ZFPM2: variants seen among roughly 807,000 people sequenced by gnomAD.
ZFPM2 encodes zinc finger protein ZFPM2.
In ZFPM2, 20 loss-of-function variants were observed where a neutral mutation model predicts 98.6. The observed-to-expected ratio is 0.20, with a 90% CI of 0.14 to 0.29. ZFPM2 has a LOEUF of 0.29. Among genes scored for constraint, ZFPM2 ranks in the 10% least tolerant of loss-of-function variants. The pLI, the probability that ZFPM2 is intolerant of heterozygous loss-of-function variation, is 1.00. For synonymous variants in ZFPM2, 518 were observed against 502.7 expected (o/e 1.03, Z -0.41); for missense variants, 1,310 against 1,388.6 (o/e 0.94, Z 0.90).
chr8:105,322,540 T>G (rs191744711), intron 1 of ZFPM2, among the ~76,000 whole-genome samples: 2 of 152,120 alleles, frequency 1.3e-5, no homozygotes, highest in Admixed American at 1.3e-4. Flanking sequence ...AAGTAATTTA[T>G]TTTTGTATAA....
chr8:105,646,567 T>C (rs1817052441), intron 5 of ZFPM2, among the ~76,000 whole-genome samples: 1 of 152,146 alleles, frequency 6.6e-6, no homozygotes, highest in Admixed American at 6.5e-5. Flanking sequence ...TTCTCAATAC[T>C]AAAGGCTGCA....
At chr8:105,442,663 G>C (rs1049866325) in intron 2 of ZFPM2, among the ~76,000 whole-genome samples, 23 of 152,152 alleles carry the variant, frequency 1.5e-4, no homozygotes, top group Non-Finnish European at 3.4e-4. Flanking sequence ...CGTGCTCTCC[G>C]TTAAGTAAAC....
At chr8:105,704,121 CT>C (rs1811204625) in intron 5 of ZFPM2, among the ~76,000 whole-genome samples, 2 of 152,122 alleles carry the variant, frequency 1.3e-5, no homozygotes, top group African/African-American at 4.8e-5. Context: ...CTATCTCTCT[CT>C]CTCTCTCTCT....
intron 5 of ZFPM2, among the ~76,000 whole-genome samples, chr8:105,729,116 G>A (rs565742638): frequency 1.3e-5 from 2 of 151,646 alleles, no homozygotes; most frequent in African/African-American, 4.8e-5. Flanking sequence ...GAATGCATTA[G>A]GGAATTATTT....
intron 5 of ZFPM2, among the ~76,000 whole-genome samples, chr8:105,673,282 C>A (rs1817630942): frequency 7.5e-6 from 1 of 132,842 alleles, no homozygotes. Flanking sequence ...TGTCAAAAAG[C>A]TGCACATTTT....
intron 5 of ZFPM2, among the ~76,000 whole-genome samples, chr8:105,644,653 T>C (rs1353130831): frequency 7.2e-5 from 11 of 152,110 alleles, no homozygotes; most frequent in Admixed American, 6.6e-4. Context: ...ACTTAAACAA[T>C]AAATATTTAT....
intron 1 of ZFPM2, among the ~76,000 whole-genome samples, chr8:105,390,614 C>A (rs1011093762): frequency 5.3e-5 from 8 of 152,132 alleles, no homozygotes; most frequent in African/African-American, 1.9e-4. Flanking sequence ...CAGTGAGGGG[C>A]CTACTTTGAA....
intron 1 of ZFPM2, among the ~76,000 whole-genome samples, chr8:105,408,545 C>T (rs1052547197): frequency 1.4e-4 from 22 of 151,928 alleles, no homozygotes; most frequent in African/African-American, 5.3e-4. Flanking sequence ...TTTTCTTCAT[C>T]CCCTAAAGAT....
chr8:105,544,122 G>A (rs1466803074), intron 3 of ZFPM2, among the ~76,000 whole-genome samples: 1 of 151,966 alleles, frequency 6.6e-6, no homozygotes, highest in African/African-American at 2.4e-5. Flanking sequence ...TCTCAAATTA[G>A]TAAAATGCTG....
chr8:105,394,699 A>G (rs935721287), intron 1 of ZFPM2, among the ~76,000 whole-genome samples: 1 of 152,230 alleles, frequency 6.6e-6, no homozygotes, highest in Non-Finnish European at 1.5e-5. Context: ...CGGAATTCCC[A>G]TTAGCATTAG....
At chr8:105,503,477 T>A (rs1356102836) in intron 3 of ZFPM2, among the ~76,000 whole-genome samples, 1 of 152,102 alleles carries the variant, frequency 6.6e-6, no homozygotes, top group Non-Finnish European at 1.5e-5. Context: ...GGGAAAATAG[T>A]CTATGGAAAA....
intron 3 of ZFPM2, among the ~76,000 whole-genome samples, chr8:105,549,395 A>G (rs367913237): frequency 2.5e-4 from 38 of 152,276 alleles, no homozygotes; most frequent in African/African-American, 8.9e-4. Context: ...GCATCAGGTC[A>G]TTTCTGGAGA....
intron 1 of ZFPM2, among the ~76,000 whole-genome samples, chr8:105,402,579 A>G (rs1323339820): frequency 6.6e-6 from 1 of 151,988 alleles, no homozygotes; most frequent in Non-Finnish European, 1.5e-5. Flanking sequence ...ATTCTCTATT[A>G]ATCTAATATG....
At chr8:105,406,558 C>T (rs560258296) in intron 1 of ZFPM2, among the ~76,000 whole-genome samples, 2 of 152,098 alleles carry the variant, frequency 1.3e-5, no homozygotes, top group South Asian at 2.1e-4. Context: ...TATTGTGACC[C>T]TCACACTCCT....
At chr8:105,388,179 A>C (rs966817058) in intron 1 of ZFPM2, among the ~76,000 whole-genome samples, 11 of 152,246 alleles carry the variant, frequency 7.2e-5, no homozygotes, top group Admixed American at 1.3e-4. Context: ...ATGCCAAAAT[A>C]TGCAAACACA....
chr8:105,517,026 A>G (rs1318629727), intron 3 of ZFPM2, among the ~76,000 whole-genome samples: 2 of 152,228 alleles, frequency 1.3e-5, no homozygotes, highest in East Asian at 1.9e-4. Context: ...TCGTCTGAGT[A>G]ACTTTCACTT....
intron 4 of ZFPM2, among the ~76,000 whole-genome samples, chr8:105,572,130 C>T (rs1164468148): frequency 2.0e-5 from 3 of 151,098 alleles, no homozygotes; most frequent in African/African-American, 7.3e-5. Context: ...CTCCACCTCC[C>T]GGGTTCATGC....
chr8:105,644,283 CTTTT>C (rs749074804), intron 5 of ZFPM2, among the ~76,000 whole-genome samples: 14,158 of 138,424 alleles, frequency 0.1, 864 homozygotes, highest in South Asian at 0.2. Context: ...TCTTTCTTTT[CTTTT>C]TTTTTTTTTT....
intron 5 of ZFPM2, among the ~76,000 whole-genome samples, chr8:105,749,653 T>C (rs1664556845): frequency 6.6e-6 from 1 of 151,850 alleles, no homozygotes; most frequent in African/African-American, 2.4e-5. Context: ...AACAAACAAA[T>C]ATTGCTTTGT....
Sources: gnomAD v4.1 joint callset for allele counts (sites outside exome capture counted in the v4.1 genomes callset) on GRCh38, gnomAD v4.1.1 for gene constraint, MANE v1.5 for transcripts, NCBI Gene and HGNC (gene_info 2026-07-23, HGNC 2026-07-21) for gene names.